The following UBR1 variants were observed in gnomAD, a reference collection of about 807,000 sequenced individuals.
UBR1 encodes ubiquitin protein ligase E3 component n-recognin 1.
A neutral mutation model predicts 242.1 loss-of-function variants in UBR1; 102 were observed. The ratio of observed to expected loss-of-function variants is 0.42; its 90% CI spans 0.36 to 0.50. The LOEUF (loss-of-function observed/expected upper bound fraction) is 0.50, where lower values mean the gene tolerates loss of function less well. UBR1 is among the 20% of genes least tolerant of loss of function. The probability of loss-of-function intolerance (pLI) is 0.01; values close to 1 mark genes in which losing one functional copy is unlikely to be tolerated. For synonymous variants in UBR1, 675 were observed against 684.8 expected (o/e 0.99, Z 0.22); for missense variants, 1,772 against 2,101.8 (o/e 0.84, Z 3.07).
intron 33 of UBR1, among the ~76,000 whole-genome samples, chr15:42,990,327 C>G (rs2032535518): frequency 6.6e-6 from 1 of 152,134 alleles, no homozygotes. Context: ...GCATGTGCCA[C>G]CATGCCTGCC....
intron 25 of UBR1, 49 bp downstream of exon 25, chr15:43,024,780 C>A: frequency 6.2e-7 from 1 of 1,613,408 alleles, no homozygotes; most frequent in Non-Finnish European, 8.5e-7. Context: ...CCCTAGCTCC[C>A]CAAGAACTCT....
chr15:43,043,082 C>G (rs531623958), intron 15 of UBR1, 133 bp downstream of exon 15: 7 of 936,322 alleles, frequency 7.5e-6, no homozygotes, highest in Non-Finnish European at 1.2e-5. Flanking sequence ...CAGTGACAGC[C>G]CTTAACTGCA....
intron 29 of UBR1, among the ~76,000 whole-genome samples, chr15:43,015,056 C>T (rs966205683): frequency 9.4e-5 from 14 of 148,332 alleles, no homozygotes; most frequent in Non-Finnish European, 1.5e-4. Flanking sequence ...CCACCCCGTC[C>T]GGGAGGTGGG....
At chr15:43,104,726 A>T (rs1323338624) in intron 1 of UBR1, among the ~76,000 whole-genome samples, 1 of 152,088 alleles carries the variant, frequency 6.6e-6, no homozygotes, top group African/African-American at 2.4e-5. Context: ...AAAACCTTCA[A>T]GAATGCTTTT....
intron 29 of UBR1, among the ~76,000 whole-genome samples, chr15:43,010,494 C>T (rs951532032): frequency 9.2e-5 from 14 of 152,194 alleles, no homozygotes; most frequent in Middle Eastern, 3.4e-3. Flanking sequence ...CTGAATGACA[C>T]GCTATAATTT....
chr15:43,023,040 G>C (rs1462040308), intron 25 of UBR1, among the ~76,000 whole-genome samples: 1 of 151,654 alleles, frequency 6.6e-6, no homozygotes. Context: ...AATTTTTTTT[G>C]GAGGGGGCGG....
At chr15:43,033,783 T>C (rs935324938) in intron 19 of UBR1, among the ~76,000 whole-genome samples, 2 of 152,222 alleles carry the variant, frequency 1.3e-5, no homozygotes, top group Non-Finnish European at 2.9e-5. Context: ...AGGGCTACTT[T>C]ATAGGCTGGT....
At chr15:42,997,349 C>T (rs547637504) in intron 33 of UBR1, among the ~76,000 whole-genome samples, 4 of 152,164 alleles carry the variant, frequency 2.6e-5, no homozygotes, top group African/African-American at 4.8e-5. Flanking sequence ...ATAATTATTT[C>T]GTTATATATT....
At chr15:42,963,269 AT>A (rs1204990087) in intron 42 of UBR1, among the ~76,000 whole-genome samples, 1 of 152,158 alleles carries the variant, frequency 6.6e-6, no homozygotes, top group Non-Finnish European at 1.5e-5. Context: ...TGACCTGGGT[AT>A]TTAAAAAAAA....
At chr15:42,979,574 G>A (rs1227910857) in intron 37 of UBR1, among the ~76,000 whole-genome samples, 1 of 151,894 alleles carries the variant, frequency 6.6e-6, no homozygotes, top group Non-Finnish European at 1.5e-5. Flanking sequence ...ATTTTGAGAT[G>A]GAGTCTCACT....
chr15:43,058,967 T>C (rs997543677), intron 9 of UBR1, 118 bp downstream of exon 9: 12 of 838,798 alleles, frequency 1.4e-5, no homozygotes, highest in East Asian at 5.3e-5. Context: ...TAGTATCTTA[T>C]CAATCAAGAT....
chr15:43,087,333 A>G (rs1052387317), intron 1 of UBR1, among the ~76,000 whole-genome samples: 1 of 152,084 alleles, frequency 6.6e-6, no homozygotes, highest in Non-Finnish European at 1.5e-5. Flanking sequence ...TGAACCCAGG[A>G]GGCGGAGCTT....
chr15:43,026,303 T>G (rs1244362642), intron 23 of UBR1: 1 of 382,146 alleles, frequency 2.6e-6, no homozygotes. Flanking sequence ...AATGAGTGTG[T>G]GATGATGAAG....
In UBR1 at chr15:43,069,508, G is replaced by A. The variant is rs183378442; in HGVS notation, c.659+1287C>T. On this transcript the variant is annotated intron_variant, in intron 5 of 46. Transcript: ENST00000290650. ...GCCAGGATGGTCTCGATCTCCTGAC[G>A]TCGTGATCCACCCACCTCGGCCTCC... is the stretch of plus-strand genomic sequence containing the variant. 3.9e-3 allele frequency among the ~76,000 whole-genome samples: 600 copies of A among 152,152 alleles called. 2 individuals carry two copies. The highest frequency in any genetic ancestry group is 0.024 in the South Asian group (117 of 4,812).
rs552124488 is a variant in UBR1, at chr15:42,973,990, G to A, written c.4369+2727C>T. ...TGCAAGCTCCACCTCCCGGGTTCAC[G>A]CCATTCTCCTGCCTCAGCCTCCCAA... On this transcript the variant is annotated intron_variant, in intron 39 of 46. Coordinates refer to ENST00000290650, the MANE Select transcript of UBR1 (RefSeq NM_174916.3). Among the ~76,000 whole-genome samples, 239 of 147,490 alleles carry A rather than the reference G, an allele frequency of 1.6e-3. 1 individual carries two copies. Among genetic ancestry groups the A allele is most frequent in the Middle Eastern group, 3.5e-3 (1 of 282 alleles).
chr15:42,990,009 C>T (rs1213917030), intron 34 of UBR1, 21 bp downstream of exon 34: 1 of 1,566,600 alleles, frequency 6.4e-7, no homozygotes, highest in Non-Finnish European at 8.8e-7. Flanking sequence ...ACAAAGTTCT[C>T]TTAACTATTT....
At chr15:42,976,076 CATA>C (rs1004701201) in intron 39 of UBR1, among the ~76,000 whole-genome samples, 1 of 152,162 alleles carries the variant, frequency 6.6e-6, no homozygotes, top group African/African-American at 2.4e-5. Flanking sequence ...ATCATCATTC[CATA>C]ATGTTGTATT....
chr15:43,083,464 T>G (rs1163832541), intron 2 of UBR1, among the ~76,000 whole-genome samples: 3 of 152,122 alleles, frequency 2.0e-5, no homozygotes, highest in African/African-American at 7.2e-5. Context: ...CACTGCAACC[T>G]CAGCCTCCCA....
intron 29 of UBR1, among the ~76,000 whole-genome samples, chr15:43,014,519 C>T (rs553249833): frequency 3.2e-3 from 489 of 151,794 alleles, no homozygotes; most frequent in African/African-American, 0.011. Flanking sequence ...ATGTGGGGAG[C>T]GCCTCTGCCC....
Sources: allele counts gnomAD v4.1 joint callset (sites outside exome capture counted in the v4.1 genomes callset), GRCh38; gene constraint gnomAD v4.1.1; transcripts MANE v1.5; gene names NCBI Gene and HGNC (gene_info 2026-07-23, HGNC 2026-07-21).